Variants in ERP44 observed in about 807,000 individuals in gnomAD.
ERP44 encodes the protein endoplasmic reticulum protein 44.
Under a neutral mutation model 53.4 loss-of-function variants are expected in ERP44, and 25 were observed. The ratio of observed to expected loss-of-function variants is 0.47; its 90% CI spans 0.34 to 0.65. The LOEUF is 0.65. ERP44 is among the 30% of genes least tolerant of loss of function. The pLI, the probability that ERP44 is intolerant of heterozygous loss-of-function variation, is 0.01. For synonymous variants in ERP44, 145 were observed against 161.2 expected, an observed-to-expected ratio of 0.90 and a Z score of 0.76; for missense variants, 338 against 493.2, an observed-to-expected ratio of 0.69 and a Z score of 2.98.
intron 10 of ERP44, among the ~76,000 whole-genome samples, chr9:99,991,141 G>C (rs868233529): frequency 2.6e-5 from 4 of 152,142 alleles, no homozygotes; most frequent in South Asian, 2.1e-4. Flanking sequence ...TCCAGCACTT[G>C]AACTCAGCTC....
chr9:100,073,640 TAAAA>T (rs1193033687), intron 1 of ERP44, among the ~76,000 whole-genome samples: 1 of 152,228 alleles, frequency 6.6e-6, no homozygotes, highest in Non-Finnish European at 1.5e-5. Flanking sequence ...ATTACTGGAC[TAAAA>T]ACTGTTTCAC....
rs113833569 is a variant in ERP44 at position 100,049,564 on chromosome 9, A to G, written c.286+2853T>C. On this transcript the variant is annotated intron_variant, in intron 4 of 11. Coordinates refer to ENST00000262455, the MANE Select transcript of ERP44 (RefSeq NM_015051.3). ...AATGCAAATTAAACCACAAGGAGAC[A>G]CCACTTCACACATATTGGAATATGT... Among the ~76,000 whole-genome samples, 966 of 152,316 alleles carry G rather than the reference A, an allele frequency of 6.3e-3. 9 individuals are homozygous for G. Among genetic ancestry groups the G allele is most frequent in the Non-Finnish European group, 0.011 (747 of 68,028 alleles).
intron 10 of ERP44, among the ~76,000 whole-genome samples, chr9:99,992,144 A>G (rs6478993): frequency 0.69 from 104,654 of 152,018 alleles, 37,241 homozygotes; most frequent in East Asian, 0.91. Context: ...AGAAAAAGAG[A>G]GAATCCTCCC....
chr9:100,012,710 T>C (rs1830487740), intron 8 of ERP44, among the ~76,000 whole-genome samples: 1 of 151,922 alleles, frequency 6.6e-6, no homozygotes, highest in South Asian at 2.1e-4. Flanking sequence ...TTAAATCAGG[T>C]AAAAAAAAGT....
At chr9:100,059,391 A>G (rs957479765) in intron 2 of ERP44, among the ~76,000 whole-genome samples, 4 of 152,224 alleles carry the variant, frequency 2.6e-5, no homozygotes, top group African/African-American at 9.6e-5. Flanking sequence ...ACCATTCAGT[A>G]AAAAACTTAT....
In ERP44 at chr9:100,068,380, T is replaced by TG. The variant is rs1218224298; in HGVS notation, c.58-8209dup. On this transcript the variant is annotated intron_variant, in intron 1 of 11. Transcript: ENST00000262455. Reference sequence around the variant, plus strand: ...CCAGCCGCCCCGTCCGGGAGGGAGGTGGGGGGGTCAGCCCCCTGCCCGGCC... The same window carrying TG: ...CCAGCCGCCCCGTCCGGGAGGGAGGTGGGGGGGGTCAGCCCCCTGCCCGGCC... Among the ~76,000 whole-genome samples, 18 of 88,522 alleles carry TG rather than the reference T, an allele frequency of 2.0e-4. 1 individual carries two copies. The highest frequency in any genetic ancestry group is 3.8e-4 in the Admixed American group (3 of 7,994). 58.1% of individuals were successfully genotyped at this position (88,522 alleles called of 152,430 possible).
chr9:100,041,240 T>G (rs1013155774), intron 4 of ERP44, among the ~76,000 whole-genome samples: 6 of 152,122 alleles, frequency 3.9e-5, no homozygotes, highest in Non-Finnish European at 7.4e-5. Context: ...ATCACCTGAC[T>G]TCAAATTATA....
chr9:100,097,976 C>T (rs1475829462), intron 1 of ERP44, among the ~76,000 whole-genome samples: 1 of 152,130 alleles, frequency 6.6e-6, no homozygotes, highest in East Asian at 1.9e-4. Context: ...AGCCATTTTG[C>T]CATACGTGTT....
intron 1 of ERP44, 51 bp downstream of exon 1, chr9:100,098,733 G>GT: frequency 6.7e-7 from 1 of 1,494,370 alleles, no homozygotes; most frequent in African/African-American, 1.4e-5. Context: ...CTGGGCGAGG[G>GT]CCGGAGGCCG....
At chr9:100,013,163 A>T (rs1830493694) in intron 8 of ERP44, among the ~76,000 whole-genome samples, 1 of 152,212 alleles carries the variant, frequency 6.6e-6, no homozygotes, top group African/African-American at 2.4e-5. Context: ...TGGAGAATTC[A>T]CATATATTAT....
chr9:100,006,009 A>G (rs1022282707), intron 10 of ERP44, among the ~76,000 whole-genome samples: 1 of 152,214 alleles, frequency 6.6e-6, no homozygotes, highest in African/African-American at 2.4e-5. Context: ...AAGCTTACCT[A>G]TTCTTGGAAC....
chr9:99,993,746 T>C (rs1386211432), intron 10 of ERP44, among the ~76,000 whole-genome samples: 1 of 151,722 alleles, frequency 6.6e-6, no homozygotes, highest in African/African-American at 2.4e-5. Context: ...TGGGAGAAAA[T>C]TTTTCCAATC....
At chr9:99,996,897 G>A (rs1564085749) in intron 10 of ERP44, among the ~76,000 whole-genome samples, 1 of 18,864 alleles carries the variant, frequency 5.3e-5, no homozygotes, top group African/African-American at 6.1e-4. Flanking sequence ...TCGTGTATGT[G>A]TATATATATA....
intron 1 of ERP44, among the ~76,000 whole-genome samples, chr9:100,064,042 TC>T (rs1381616505): frequency 6.6e-6 from 1 of 152,236 alleles, no homozygotes; most frequent in Non-Finnish European, 1.5e-5. Context: ...AATGTTTTCT[TC>T]CATTAGATGG....
chr9:100,093,267 G>A (rs145725403), intron 1 of ERP44, among the ~76,000 whole-genome samples: 71 of 152,276 alleles, frequency 4.7e-4, no homozygotes, highest in African/African-American at 1.6e-3. Flanking sequence ...ACATATGACT[G>A]AATTCACATA....
At chr9:100,050,966 T>C (rs1826029794) in intron 4 of ERP44, among the ~76,000 whole-genome samples, 1 of 152,332 alleles carries the variant, frequency 6.6e-6, no homozygotes, top group East Asian at 1.9e-4. Context: ...TAACATCTAA[T>C]TAAATACATA....
intron 4 of ERP44, among the ~76,000 whole-genome samples, chr9:100,044,394 G>C (rs1038537713): frequency 6.6e-6 from 1 of 151,760 alleles, no homozygotes; most frequent in African/African-American, 2.4e-5. Context: ...GTTTCCATAG[G>C]CTAGAATATT....
chr9:100,094,067 G>T (rs952486182), intron 1 of ERP44, among the ~76,000 whole-genome samples: 1 of 152,126 alleles, frequency 6.6e-6, no homozygotes, highest in African/African-American at 2.4e-5. Flanking sequence ...TCAAAATTAC[G>T]TAAGCACAAG....
At chr9:99,988,563 T>A (rs1830219686) in intron 10 of ERP44, among the ~76,000 whole-genome samples, 2 of 152,200 alleles carry the variant, frequency 1.3e-5, no homozygotes, top group Non-Finnish European at 2.9e-5. Flanking sequence ...GGATTACCCT[T>A]CCAAGATGGC....
Sources: allele counts gnomAD v4.1 joint callset (sites outside exome capture counted in the v4.1 genomes callset), GRCh38; gene constraint gnomAD v4.1.1; transcripts MANE v1.5; gene names NCBI Gene and HGNC (gene_info 2026-07-23, HGNC 2026-07-21).